Variants in LINGO2 observed in about 807,000 individuals in gnomAD.
LINGO2 encodes leucine-rich repeat and immunoglobulin-like domain-containing nogo receptor-interacting protein 2.
A neutral mutation model predicts 30.6 loss-of-function variants in LINGO2; 14 were observed. That is an observed-to-expected ratio of 0.46 (90% confidence interval 0.30 to 0.72). LINGO2 has a LOEUF of 0.72. Ranked by LOEUF, LINGO2 falls within the 30% of genes least tolerant of loss-of-function variation. The pLI is 0.07. For missense variants in LINGO2, 729 were observed against 751.7 expected, an observed-to-expected ratio of 0.97 and a Z score of 0.35; for synonymous variants, 317 against 288.5, an observed-to-expected ratio of 1.10 and a Z score of -1.00.
the LINGO2 span, among the ~76,000 whole-genome samples, chr9:29,135,127 C>T: frequency 6.6e-6 from 1 of 152,136 alleles, no homozygotes; most frequent in African/African-American, 2.4e-5. Context: ...TTCATAGCTA[C>T]TGTATATGTA....
At chr9:28,079,546 A>T (rs957751633) in intron 4 of LINGO2, among the ~76,000 whole-genome samples, 2 of 152,224 alleles carry the variant, frequency 1.3e-5, no homozygotes, top group African/African-American at 4.8e-5. Flanking sequence ...GGTTTAGAGC[A>T]TAGTAAATAA....
At chr9:28,767,773 A>T in the LINGO2 span, among the ~76,000 whole-genome samples, 2 of 138,406 alleles carry the variant, frequency 1.4e-5, no homozygotes, top group Non-Finnish European at 3.1e-5. Context: ...GCAATAGAGC[A>T]AGACTCCATT....
intron 4 of LINGO2, among the ~76,000 whole-genome samples, chr9:28,219,921 A>C (rs1820897866): frequency 6.6e-6 from 1 of 152,216 alleles, no homozygotes; most frequent in African/African-American, 2.4e-5. Flanking sequence ...TGATTCAACC[A>C]GCTACAGATC....
the LINGO2 span, among the ~76,000 whole-genome samples, chr9:28,861,351 CA>C: frequency 7.8e-6 from 1 of 128,156 alleles, no homozygotes; most frequent in Non-Finnish European, 1.6e-5. Context: ...AATATATATA[CA>C]TATTTAATAT....
the LINGO2 span, among the ~76,000 whole-genome samples, chr9:29,039,430 A>G: frequency 6.6e-6 from 1 of 152,118 alleles, no homozygotes; most frequent in Non-Finnish European, 1.5e-5. Context: ...GGGATGAGTC[A>G]TTGATATTTA....
intron 4 of LINGO2, among the ~76,000 whole-genome samples, chr9:28,234,014 G>A (rs1166580655): frequency 6.6e-6 from 1 of 152,152 alleles, no homozygotes; most frequent in Non-Finnish European, 1.5e-5. Context: ...CCCACCTATG[G>A]TGGCTATAGT....
chr9:29,137,490 A>G, the LINGO2 span, among the ~76,000 whole-genome samples: 2 of 152,302 alleles, frequency 1.3e-5, no homozygotes, highest in South Asian at 4.1e-4. Context: ...GTAAAATCAC[A>G]TTACTACTGC....
At chr9:27,951,695 G>A (rs1819321399) in intron 5 of LINGO2, among the ~76,000 whole-genome samples, 2 of 152,030 alleles carry the variant, frequency 1.3e-5, no homozygotes, top group South Asian at 4.2e-4. Flanking sequence ...TCAACTTGGG[G>A]TTCTCAGGGG....
the LINGO2 span, among the ~76,000 whole-genome samples, chr9:29,056,574 T>C: frequency 2.6e-5 from 4 of 152,218 alleles, no homozygotes; most frequent in African/African-American, 9.6e-5. Context: ...TTTCTTTTGC[T>C]CTGCAGAAGC....
chr9:28,947,685 TAC>T, the LINGO2 span, among the ~76,000 whole-genome samples: 791 of 151,610 alleles, frequency 5.2e-3, 4 homozygotes, highest in South Asian at 0.011. Flanking sequence ...AGAAAACCCA[TAC>T]ACACACACAT....
intron 5 of LINGO2, among the ~76,000 whole-genome samples, chr9:27,983,458 CAA>C (rs894762951): frequency 2.0e-5 from 3 of 151,756 alleles, no homozygotes; most frequent in African/African-American, 7.3e-5. Flanking sequence ...ATCATCCATC[CAA>C]AAGTCATTGA....
At chr9:28,252,285 G>A (rs1177816201) in intron 4 of LINGO2, among the ~76,000 whole-genome samples, 1 of 152,048 alleles carries the variant, frequency 6.6e-6, no homozygotes, top group Non-Finnish European at 1.5e-5. Context: ...GAGTGCAGTG[G>A]TGTGATCTTG....
At chr9:28,044,723 G>A (rs1824338765) in intron 4 of LINGO2, among the ~76,000 whole-genome samples, 1 of 152,102 alleles carries the variant, frequency 6.6e-6, no homozygotes, top group Non-Finnish European at 1.5e-5. Context: ...TGAACAAAAA[G>A]TCCAAACTGG....
chr9:28,476,502 C>T (rs1329652348), intron 1 of LINGO2, among the ~76,000 whole-genome samples: 1 of 152,140 alleles, frequency 6.6e-6, no homozygotes, highest in Admixed American at 6.5e-5. Flanking sequence ...GTCTCGATCT[C>T]CTGACCTCGT....
At chr9:28,112,029 A>T (rs1826812902) in intron 4 of LINGO2, among the ~76,000 whole-genome samples, 1 of 123,892 alleles carries the variant, frequency 8.1e-6, no homozygotes, top group African/African-American at 3.1e-5. Context: ...ATCTAGCATT[A>T]GGTATATCTC....
the LINGO2 span, among the ~76,000 whole-genome samples, chr9:28,894,375 C>T: frequency 2.0e-5 from 3 of 152,162 alleles, no homozygotes; most frequent in Admixed American, 6.5e-5. Context: ...CAATTCGCTT[C>T]AAGCTTTATG....
chr9:28,429,457 T>G (rs953815706), intron 2 of LINGO2, among the ~76,000 whole-genome samples: 36 of 152,152 alleles, frequency 2.4e-4, no homozygotes, highest in African/African-American at 8.4e-4. Flanking sequence ...CAATCTCTCT[T>G]TGGTAGTTGA....
At chr9:29,019,605 A>T in the LINGO2 span, among the ~76,000 whole-genome samples, 1 of 152,096 alleles carries the variant, frequency 6.6e-6, no homozygotes, top group Admixed American at 6.6e-5. Flanking sequence ...TCTGTCACTT[A>T]CTCTGCTTAT....
chr9:29,187,958 C>CTT, the LINGO2 span, among the ~76,000 whole-genome samples: 1 of 90,224 alleles, frequency 1.1e-5, no homozygotes, highest in Non-Finnish European at 2.5e-5. Context: ...CAACTATTTT[C>CTT]TTTTTTTTTT....
Sources: gnomAD v4.1 joint callset for allele counts (sites outside exome capture counted in the v4.1 genomes callset) on GRCh38, gnomAD v4.1.1 for gene constraint, MANE v1.5 for transcripts, NCBI Gene and HGNC (gene_info 2026-07-23, HGNC 2026-07-21) for gene names.